ARIH1: variants seen among roughly 807,000 people sequenced by gnomAD.
ARIH1 encodes E3 ubiquitin-protein ligase ARIH1.
Under a neutral mutation model 85.0 loss-of-function variants are expected in ARIH1, and 8 were observed. The ratio of observed to expected loss-of-function variants is 0.09; its 90% CI spans 0.06 to 0.17. The LOEUF is 0.17. Ranked by LOEUF, ARIH1 falls within the 10% of genes least tolerant of loss-of-function variation. The probability of loss-of-function intolerance (pLI) is 1.00; values close to 1 mark genes in which losing one functional copy is unlikely to be tolerated. For missense variants in ARIH1, 311 were observed against 718.1 expected (o/e 0.43, Z 6.48); for synonymous variants, 238 against 253.6 (o/e 0.94, Z 0.59).
At chr15:72,566,216 T>A (rs2064219971) in intron 7 of ARIH1, among the ~76,000 whole-genome samples, 1 of 152,212 alleles carries the variant, frequency 6.6e-6, no homozygotes, top group Non-Finnish European at 1.5e-5. Context: ...TTATTCTTCA[T>A]TTAGGGTGTT....
rs1188543265 is a variant in ARIH1, at chr15:72,563,491, G to A, written c.902G>A (p.Arg301His). The change falls in exon 7 of 14, where the codon CGC (arginine) becomes CAC (histidine). Residue 301 changes from arginine (R) to histidine (H), a missense_variant. Physicochemically the swap from Arg to His is conservative, Grantham distance 29 (BLOSUM62 0). Coordinates refer to ENST00000379887, the MANE Select transcript of ARIH1 (RefSeq NM_005744.5). ...DAKPVRCKCG[R>H]QFCFNCGENW... ...AAACCTGTTCGCTGCAAATGTGGGC[G>A]CCAATTTTGGTAAGCAAGTGATTTC... 1.9e-6 allele frequency: 3 copies of A among 1,613,184 alleles called. No individual in the cohort carries two copies. Among genetic ancestry groups the A allele is most frequent in the East Asian group, 2.2e-5 (1 of 44,874 alleles).
Position 72,583,357 on chromosome 15 carries a change from A to G in ARIH1, c.*65A>G. The G allele has an allele frequency of 7.4e-7, 1 of 1,345,214 alleles. No individual in the cohort carries two copies. Among genetic ancestry groups the G allele is most frequent in the Non-Finnish European group, 1.1e-6 (1 of 947,866 alleles). 83.3% of individuals were successfully genotyped at this position (1,345,214 alleles called of 1,614,324 possible). On this transcript the variant is annotated 3_prime_UTR_variant, in exon 14 of 14. Transcript: ENST00000379887. ...TCTAGAGTGCTCATGCAATTAAAAC[A>G]AAACAAACACAAACAAGGAGGCACT...
intron 1 of ARIH1, among the ~76,000 whole-genome samples, chr15:72,498,367 A>C (rs2063888629): frequency 6.6e-6 from 1 of 152,120 alleles, no homozygotes; most frequent in South Asian, 2.1e-4. Context: ...ATTGTATGGT[A>C]TTTTCTAATA....
At chr15:72,486,665 CT>C (rs58018323) in intron 1 of ARIH1, among the ~76,000 whole-genome samples, 87 of 88,362 alleles carry the variant, frequency 9.8e-4, no homozygotes, top group East Asian at 1.4e-3. Context: ...CAGAGCCCTA[CT>C]TTTTTTTTTT....
chr15:72,581,532 C>T (rs1403345284), intron 12 of ARIH1: 2 of 157,112 alleles, frequency 1.3e-5, no homozygotes, highest in Non-Finnish European at 2.8e-5. Flanking sequence ...AAGGTTTTCT[C>T]AAGTAAAGAT....
At chr15:72,520,258 TTAAA>T (rs1234550624) in intron 2 of ARIH1, among the ~76,000 whole-genome samples, 1 of 152,232 alleles carries the variant, frequency 6.6e-6, no homozygotes, top group Non-Finnish European at 1.5e-5. Flanking sequence ...AATTCAGTCT[TTAAA>T]TAGTGTCTTT....
intron 2 of ARIH1, among the ~76,000 whole-genome samples, chr15:72,522,180 ATTT>A (rs2064003026): frequency 1.3e-5 from 2 of 152,174 alleles, no homozygotes; most frequent in Non-Finnish European, 2.9e-5. Flanking sequence ...GTCCAGGGCA[ATTT>A]ACAGTCTTAA....
intron 2 of ARIH1, among the ~76,000 whole-genome samples, chr15:72,538,210 A>C (rs2064091320): frequency 6.6e-6 from 1 of 152,084 alleles, no homozygotes; most frequent in Admixed American, 6.5e-5. Context: ...CTAAAATCAC[A>C]AAAAAATTAG....
chr15:72,588,196 G>A lies in ARIH1; in HGVS notation c.*4904G>A, dbSNP rs894986504. On this transcript the variant is annotated 3_prime_UTR_variant, in exon 14 of 14. Transcript: ENST00000379887. ...ACCCTGGAGTAGATGGGCTCTGAGAGGAGCCTGTGAAATCCAGACTTCATG... is the reference window on the plus strand; with the variant it reads ...ACCCTGGAGTAGATGGGCTCTGAGAAGAGCCTGTGAAATCCAGACTTCATG... The A allele has an allele frequency of 6.6e-6, 1 of 152,148 alleles. No homozygotes were observed. Among genetic ancestry groups the A allele is most frequent in the Admixed American group, 6.5e-5 (1 of 15,276 alleles). The allele number at this position is 152,148 out of a possible 1,614,324, so 9.4% of individuals were successfully genotyped here.
chr15:72,592,489 G>A lies in ARIH1; in HGVS notation c.*9197G>A, dbSNP rs138630857. 6 of 152,300 alleles carry A rather than the reference G, an allele frequency of 3.9e-5. No homozygotes were observed. The highest frequency in any genetic ancestry group is 1.4e-4 in the African/African-American group (6 of 41,570). 9.4% of individuals were successfully genotyped at this position (152,300 alleles called of 1,614,324 possible). The stretch of plus-strand genomic sequence containing the variant: ...TGTGAAGTTTGATGTTTTGACAGTT[G>A]TATACGTCTGTGTAATAACTACCAA... On this transcript the variant is annotated 3_prime_UTR_variant, in exon 14 of 14. Coordinates refer to ENST00000379887, the MANE Select transcript of ARIH1 (RefSeq NM_005744.5).
chr15:72,530,162 C>T (rs770316507), intron 2 of ARIH1, among the ~76,000 whole-genome samples: 1 of 152,084 alleles, frequency 6.6e-6, no homozygotes, highest in African/African-American at 2.4e-5. Flanking sequence ...TTGACCGTTC[C>T]TTTCACTAAA....
At chr15:72,525,941 T>G (rs2064026006) in intron 2 of ARIH1, among the ~76,000 whole-genome samples, 1 of 152,092 alleles carries the variant, frequency 6.6e-6, no homozygotes, top group South Asian at 2.1e-4. Context: ...ACGTTCAATC[T>G]CCACATTTTT....
chr15:72,505,976 C>T (rs1410929005), intron 1 of ARIH1, among the ~76,000 whole-genome samples: 2 of 152,064 alleles, frequency 1.3e-5, no homozygotes, highest in African/African-American at 2.4e-5. Context: ...CCTCATGATC[C>T]ACCCTCCTTG....
intron 1 of ARIH1, among the ~76,000 whole-genome samples, chr15:72,481,826 A>C (rs140258180): frequency 6.6e-6 from 1 of 151,712 alleles, no homozygotes; most frequent in East Asian, 1.9e-4. Flanking sequence ...TTTACTCAGT[A>C]TTTTCTTTTC....
intron 2 of ARIH1, among the ~76,000 whole-genome samples, chr15:72,525,428 A>G (rs1262767607): frequency 6.6e-6 from 1 of 152,220 alleles, no homozygotes; most frequent in Admixed American, 6.5e-5. Flanking sequence ...AAAATCTACA[A>G]TAAAATTATA....
chr15:72,538,750 G>T (rs1020367370), intron 2 of ARIH1, among the ~76,000 whole-genome samples: 6 of 152,228 alleles, frequency 3.9e-5, no homozygotes, highest in African/African-American at 1.2e-4. Context: ...CTGGAAAGTT[G>T]TCTGAGTACC....
At chr15:72,562,236 A>G (rs1006697384) in intron 6 of ARIH1, among the ~76,000 whole-genome samples, 2 of 152,178 alleles carry the variant, frequency 1.3e-5, no homozygotes, top group African/African-American at 4.8e-5. Flanking sequence ...TTATTGGACC[A>G]TGCCTTTGCC....
intron 1 of ARIH1, among the ~76,000 whole-genome samples, chr15:72,479,954 G>A (rs1166682750): frequency 2.0e-5 from 3 of 150,768 alleles, no homozygotes; most frequent in African/African-American, 7.3e-5. Context: ...CGCAAGCTCC[G>A]CCTCCTGGGT....
At chr15:72,499,325 A>G (rs540514457) in intron 1 of ARIH1, among the ~76,000 whole-genome samples, 64 of 142,622 alleles carry the variant, frequency 4.5e-4, no homozygotes, top group African/African-American at 1.5e-3. Context: ...TATTTGTAAG[A>G]AAAAAAAAAA....
Sources: allele counts gnomAD v4.1 joint callset (sites outside exome capture counted in the v4.1 genomes callset), GRCh38; gene constraint gnomAD v4.1.1; transcripts MANE v1.5; gene names NCBI Gene and HGNC (gene_info 2026-07-23, HGNC 2026-07-21).